The following GNB1 variants were observed in gnomAD, a reference collection of about 807,000 sequenced individuals.
GNB1 encodes the protein G protein subunit beta 1.
Under a neutral mutation model 42.9 loss-of-function variants are expected in GNB1, and 2 were observed. That is an observed-to-expected ratio of 0.05 (90% CI 0.02 to 0.15). The LOEUF (loss-of-function observed/expected upper bound fraction) is 0.15. GNB1 is among the 10% of genes least tolerant of loss of function. The pLI is 1.00. For missense variants in GNB1, 193 were observed against 462.2 expected, an observed-to-expected ratio of 0.42 and a Z score of 5.34; for synonymous variants, 183 against 174.7, an observed-to-expected ratio of 1.05 and a Z score of -0.38.
intron 3 of GNB1, among the ~76,000 whole-genome samples, chr1:1,818,664 ACCAG>A (rs1646889661): frequency 1.3e-5 from 2 of 152,266 alleles, no homozygotes; most frequent in Admixed American, 6.5e-5. Flanking sequence ...GGAGTTCAAG[ACCAG>A]CCTGGCCAAC....
At chr1:1,813,822 T>C (rs192196134) in intron 5 of GNB1, among the ~76,000 whole-genome samples, 28 of 152,344 alleles carry the variant, frequency 1.8e-4, no homozygotes, top group African/African-American at 6.5e-4. Context: ...AAAAGAATTT[T>C]TGACAAGTAA....
chr1:1,815,658 C>T, intron 5 of GNB1, 98 bp downstream of exon 5: 1 of 681,040 alleles, frequency 1.5e-6, no homozygotes, highest in Admixed American at 2.5e-5. Context: ...AATTTCTTCA[C>T]TGCACAGCAC....
chr1:1,787,639 C>T lies in GNB1; in HGVS notation c.917-202G>A, dbSNP rs1234586085. 6.6e-6 allele frequency among the ~76,000 whole-genome samples: 1 copy of T among 152,114 alleles called. No individual in the cohort carries two copies. The highest frequency in any genetic ancestry group is 2.4e-5 in the African/African-American group (1 of 41,430). ...CCAGCCTTGTTAAAATTCAAAGACACGCACACACACGCAATCGATAAATCC... is the reference window on the plus strand; with the variant it reads ...CCAGCCTTGTTAAAATTCAAAGACATGCACACACACGCAATCGATAAATCC... On this transcript the variant is annotated intron_variant, in intron 10 of 11. Coordinates refer to ENST00000378609, the MANE Select transcript of GNB1 (RefSeq NM_002074.5). This position sits in a 1 kb window ranked among gnomAD's most constrained non-coding sequence, Gnocchi z 4.4.
intron 1 of GNB1, among the ~76,000 whole-genome samples, chr1:1,863,280 A>G (rs1648730694): frequency 6.6e-6 from 1 of 152,214 alleles, no homozygotes; most frequent in African/African-American, 2.4e-5. Flanking sequence ...ACAGAGAAAC[A>G]AAGAAAAGAA....
intron 1 of GNB1, among the ~76,000 whole-genome samples, chr1:1,842,410 G>C (rs1193888446): frequency 1.3e-5 from 2 of 151,518 alleles, no homozygotes; most frequent in East Asian, 3.9e-4. Context: ...AGCCTGGGCG[G>C]GGTGACAGAG....
chr1:1,860,519 C>T lies in GNB1; in HGVS notation c.-95-21281G>A, dbSNP rs1424452581. On this transcript the variant is annotated intron_variant, in intron 1 of 11. Coordinates refer to ENST00000378609, the MANE Select transcript of GNB1 (RefSeq NM_002074.5). ...AGTCGTGGTGGTGGGCGCCTGTAGT[C>T]CCAGCTACCTGGGAGGCTGAGGCAG... Among the ~76,000 whole-genome samples the T allele has an allele frequency of 1.1e-4, 17 of 152,016 alleles. 1 individual carries two copies. In the Middle Eastern group the frequency reaches 0.01, roughly 91 times the overall value.
chr1:1,856,669 G>A (rs897790755), intron 1 of GNB1, among the ~76,000 whole-genome samples: 2 of 151,296 alleles, frequency 1.3e-5, no homozygotes, highest in African/African-American at 4.9e-5. Context: ...CTTGTGATCC[G>A]CCCGCCTTGG....
intron 1 of GNB1, among the ~76,000 whole-genome samples, chr1:1,864,539 G>A (rs902490407): frequency 6.6e-6 from 1 of 151,988 alleles, no homozygotes; most frequent in Non-Finnish European, 1.5e-5. Flanking sequence ...CTGGCCTGTA[G>A]GTTAACTTCA....
At chr1:1,865,735 T>G (rs552024303) in intron 1 of GNB1, among the ~76,000 whole-genome samples, 1 of 152,242 alleles carries the variant, frequency 6.6e-6, no homozygotes, top group Non-Finnish European at 1.5e-5. Flanking sequence ...CAAATTCCTG[T>G]AATGTGCTCA....
At chr1:1,867,380 T>C (rs746345702) in intron 1 of GNB1, among the ~76,000 whole-genome samples, 41 of 152,216 alleles carry the variant, frequency 2.7e-4, no homozygotes, top group Non-Finnish European at 5.9e-5. Flanking sequence ...TGAGACCTAC[T>C]ATGTACCAGG....
At chr1:1,842,710 T>C (rs992135465) in intron 1 of GNB1, among the ~76,000 whole-genome samples, 20 of 152,176 alleles carry the variant, frequency 1.3e-4, no homozygotes, top group Non-Finnish European at 1.5e-4. Context: ...TGGAATTAGC[T>C]AGAGACGGTG....
chr1:1,888,867 A>T (rs1340371090), intron 1 of GNB1, among the ~76,000 whole-genome samples: 1 of 152,186 alleles, frequency 6.6e-6, no homozygotes, highest in East Asian at 1.9e-4. Context: ...CTGCCTTAGC[A>T]TAAACCAAGA....
chr1:1,854,647 C>T (rs371828575), intron 1 of GNB1, among the ~76,000 whole-genome samples: 30 of 152,320 alleles, frequency 2.0e-4, no homozygotes, highest in African/African-American at 6.5e-4. Flanking sequence ...TGGCTCATGC[C>T]TGTAATCCCA....
In GNB1 at chr1:1,787,120, G is replaced by C. The variant is rs1557878108; in HGVS notation, c.*10-67C>G. ...GAATCTAAGTGCAGACGCACAGCCA[G>C]GTCACTGCTCTTCCCATCACTGCAT... On this transcript the variant is annotated intron_variant, in intron 11 of 11. Transcript: ENST00000378609. This position sits in a 1 kb window ranked among gnomAD's most constrained non-coding sequence, Gnocchi z 4.4. 1 of 455,428 alleles carries C rather than the reference G, an allele frequency of 2.2e-6. No individual in the cohort carries two copies. Among genetic ancestry groups the C allele is most frequent in the East Asian group, 4.0e-5 (1 of 24,950 alleles). 28.2% of individuals were successfully genotyped at this position (455,428 alleles called of 1,614,324 possible).
At chr1:1,864,909 T>G (rs113318005) in intron 1 of GNB1, among the ~76,000 whole-genome samples, 42 of 152,338 alleles carry the variant, frequency 2.8e-4, no homozygotes, top group African/African-American at 9.6e-4. Flanking sequence ...GCCTTTGGTT[T>G]TGCCTGATTG....
chr1:1,876,223 C>T (rs1432212131), intron 1 of GNB1, among the ~76,000 whole-genome samples: 1 of 152,192 alleles, frequency 6.6e-6, no homozygotes, highest in Non-Finnish European at 1.5e-5. Flanking sequence ...CCACAGGAAA[C>T]TAACATTGTG....
chr1:1,879,395 A>G (rs1271840962), intron 1 of GNB1, among the ~76,000 whole-genome samples: 1 of 152,252 alleles, frequency 6.6e-6, no homozygotes, highest in African/African-American at 2.4e-5. Flanking sequence ...TACCATACAT[A>G]ACATTTTTAT....
intron 4 of GNB1, 145 bp from the exon 5 acceptor site, chr1:1,816,007 G>C: frequency 1.5e-6 from 1 of 650,772 alleles, no homozygotes; most frequent in East Asian, 2.7e-5. Context: ...TTCCACTGTG[G>C]CATTCTGCAC....
chr1:1,806,452 G>A lies in GNB1; in HGVS notation c.267+23C>T, dbSNP rs768250415. ...CTGTTTCCTGGGTTGGTTTTTCAAGGAAGGGAATCCTCCAGTCCCTACCTT... is the reference window on the plus strand; with the variant it reads ...CTGTTTCCTGGGTTGGTTTTTCAAGAAAGGGAATCCTCCAGTCCCTACCTT... On this transcript the variant is annotated intron_variant, in intron 6 of 11. Coordinates refer to ENST00000378609, the MANE Select transcript of GNB1 (RefSeq NM_002074.5). 11 of 1,513,596 alleles carry A rather than the reference G, an allele frequency of 7.3e-6. No homozygotes were observed. The South Asian group carries it at 1.1e-4, about 16-fold the overall frequency. 93.8% of individuals were successfully genotyped at this position (1,513,596 alleles called of 1,614,324 possible).
Sources: gnomAD v4.1 joint callset for allele counts (sites outside exome capture counted in the v4.1 genomes callset) on GRCh38, gnomAD v4.1.1 for gene constraint, Gnocchi (gnomAD v3.1) non-coding constraint, MANE v1.5 for transcripts, NCBI Gene and HGNC (gene_info 2026-07-23, HGNC 2026-07-21) for gene names.